The following RYR3 variants were observed in gnomAD, a reference collection of about 807,000 sequenced individuals.
RYR3 encodes ryanodine receptor 3.
RYR3 carries 207 observed loss-of-function variants against 584.3 expected under a neutral mutation model. The ratio of observed to expected loss-of-function variants is 0.35; its 90% CI spans 0.32 to 0.40. The LOEUF (loss-of-function observed/expected upper bound fraction) is 0.40, where lower values mean the gene tolerates loss of function less well. RYR3 is among the 10% of genes least tolerant of loss of function. RYR3 has a pLI of 1.00. For missense variants in RYR3, 5,616 were observed against 6,089.2 expected (o/e 0.92, Z 2.59); for synonymous variants, 2,416 against 2,248.5 (o/e 1.07, Z -2.11).
chr15:33,452,205 C>T (rs1278989542), intron 1 of RYR3, among the ~76,000 whole-genome samples: 1 of 152,218 alleles, frequency 6.6e-6, no homozygotes. Context: ...GAATGTTTCT[C>T]ATTGTTGGTT....
At chr15:33,574,763 G>A (rs1042277490) in intron 12 of RYR3, among the ~76,000 whole-genome samples, 2 of 152,108 alleles carry the variant, frequency 1.3e-5, no homozygotes, top group Admixed American at 6.6e-5. Context: ...TAAATGCCTA[G>A]GAGAGCTCAT....
At chr15:33,461,562 G>A (rs1412859290) in intron 1 of RYR3, among the ~76,000 whole-genome samples, 1 of 152,126 alleles carries the variant, frequency 6.6e-6, no homozygotes, top group African/African-American at 2.4e-5. Context: ...AGGGATACAA[G>A]ATAAACAGAT....
chr15:33,401,531 C>T (rs534426159), intron 1 of RYR3, among the ~76,000 whole-genome samples: 9 of 152,246 alleles, frequency 5.9e-5, no homozygotes, highest in Middle Eastern at 3.4e-3. Flanking sequence ...TGTAGAAATT[C>T]GAGAATTTCT....
Position 33,490,854 on chromosome 15 carries a change from G to T in RYR3, c.172-12777G>T, listed in dbSNP as rs138675782. ...CTTGAAAAATGAGCCCTGTGGTTTT[G>T]CTCACTACTCAATTTCCTTGGCAAA... On this transcript the variant is annotated intron_variant, in intron 2 of 103. Coordinates refer to ENST00000634891, the MANE Select transcript of RYR3 (RefSeq NM_001036.6). Among the ~76,000 whole-genome samples, 450 of 151,770 alleles carry T rather than the reference G, an allele frequency of 3.0e-3. 2 individuals carry two copies. The highest frequency in any genetic ancestry group is 0.01 in the African/African-American group (425 of 41,390).
chr15:33,350,267 T>C (rs58103772), intron 1 of RYR3, among the ~76,000 whole-genome samples: 10,319 of 152,150 alleles, frequency 0.068, 527 homozygotes, highest in African/African-American at 0.14. Flanking sequence ...AAGCAAGTCC[T>C]GAGTGACCTA....
At chr15:33,753,032 G>T (rs2071472070) in intron 57 of RYR3, among the ~76,000 whole-genome samples, 1 of 152,264 alleles carries the variant, frequency 6.6e-6, no homozygotes, top group African/African-American at 2.4e-5. Context: ...TAATCATGTG[G>T]TTTTTGTCAT....
chr15:33,725,707 C>T (rs2068345633), intron 45 of RYR3, among the ~76,000 whole-genome samples: 2 of 151,604 alleles, frequency 1.3e-5, no homozygotes, highest in Non-Finnish European at 2.9e-5. Flanking sequence ...CGCCTGTGAT[C>T]CCAGCACTTT....
intron 94 of RYR3, chr15:33,852,292 T>C (rs1326092957): frequency 6.6e-6 from 1 of 152,176 alleles, no homozygotes; most frequent in African/African-American, 2.4e-5. Context: ...GAACAACATA[T>C]TTTCAATGGT....
At chr15:33,561,916 A>G (rs1347034298) in intron 10 of RYR3, among the ~76,000 whole-genome samples, 8 of 152,094 alleles carry the variant, frequency 5.3e-5, no homozygotes, top group East Asian at 1.9e-4. Flanking sequence ...AAAAAAAAAA[A>G]AGAGAGAGAA....
At chr15:33,615,479 G>A (rs1262274633) in intron 19 of RYR3, among the ~76,000 whole-genome samples, 1 of 152,148 alleles carries the variant, frequency 6.6e-6, no homozygotes, top group Non-Finnish European at 1.5e-5. Flanking sequence ...GTGTATGTTT[G>A]TATATATACA....
chr15:33,380,829 C>G (rs1247249377), intron 1 of RYR3, among the ~76,000 whole-genome samples: 2 of 152,212 alleles, frequency 1.3e-5, no homozygotes, highest in African/African-American at 4.8e-5. Context: ...TTGCAAAGCT[C>G]TCCTCGGTTC....
At position 33,368,530 on chromosome 15, in the gene RYR3, G is replaced by A. The variant is rs78901039; in HGVS notation, c.51+57434G>A. Among the ~76,000 whole-genome samples, 621 of 152,096 alleles carry A rather than the reference G, an allele frequency of 4.1e-3. 2 individuals are homozygous for A. Among genetic ancestry groups the A allele is most frequent in the Non-Finnish European group, 5.7e-3 (388 of 67,974 alleles). ...TTGCCTTTGTGATCTTCCCAAGGCTGTTGAAGCTGAGATTTCTGGAAAGTG... is the reference window on the plus strand; with the variant it reads ...TTGCCTTTGTGATCTTCCCAAGGCTATTGAAGCTGAGATTTCTGGAAAGTG... On this transcript the variant is annotated intron_variant, in intron 1 of 103. Coordinates refer to ENST00000634891, the MANE Select transcript of RYR3 (RefSeq NM_001036.6).
intron 1 of RYR3, chr15:33,467,601 G>C: frequency 5.8e-6 from 2 of 346,116 alleles, no homozygotes; most frequent in Non-Finnish European, 8.1e-6. Context: ...GAGATGACCT[G>C]TGACAATGTG....
intron 1 of RYR3, among the ~76,000 whole-genome samples, chr15:33,469,299 G>GGAA (rs1684982312): frequency 6.6e-6 from 1 of 152,110 alleles, no homozygotes; most frequent in African/African-American, 2.4e-5. Context: ...AACGCTACAG[G>GGAA]GAAGAAGTTA....
chr15:33,450,461 T>A (rs1284982118), intron 1 of RYR3, among the ~76,000 whole-genome samples: 3 of 152,106 alleles, frequency 2.0e-5, no homozygotes, highest in African/African-American at 7.2e-5. Flanking sequence ...CTCAAGCTTC[T>A]CTAAGTCAAA....
chr15:33,709,080 G>T (rs907064204), intron 43 of RYR3, among the ~76,000 whole-genome samples: 2 of 152,180 alleles, frequency 1.3e-5, no homozygotes, highest in African/African-American at 2.4e-5. Context: ...AGAAGGCAAA[G>T]AATTGAACAT....
chr15:33,489,354 T>C (rs1407240281), intron 2 of RYR3, among the ~76,000 whole-genome samples: 1 of 152,168 alleles, frequency 6.6e-6, no homozygotes, highest in African/African-American at 2.4e-5. Flanking sequence ...CTCCTCTCCC[T>C]CCTCCCACCT....
intron 1 of RYR3, among the ~76,000 whole-genome samples, chr15:33,387,845 G>T (rs989463176): frequency 2.0e-5 from 3 of 152,056 alleles, no homozygotes; most frequent in Admixed American, 6.5e-5. Context: ...TTTGAGGCAG[G>T]TATAATAGAG....
chr15:33,513,290 C>T (rs556984517), intron 3 of RYR3, among the ~76,000 whole-genome samples: 4 of 152,060 alleles, frequency 2.6e-5, no homozygotes, highest in African/African-American at 7.2e-5. Flanking sequence ...ATAAGAGCAC[C>T]GATCTGGATA....
Sources: gnomAD v4.1 joint callset for allele counts (sites outside exome capture counted in the v4.1 genomes callset) on GRCh38, gnomAD v4.1.1 for gene constraint, MANE v1.5 for transcripts, NCBI Gene and HGNC (gene_info 2026-07-23, HGNC 2026-07-21) for gene names.